AGMO: variants seen among roughly 807,000 people sequenced by gnomAD.
AGMO encodes the protein glyceryl-ether monooxygenase.
AGMO carries 75 observed loss-of-function variants against 60.2 expected under a neutral mutation model. The ratio of observed to expected loss-of-function variants is 1.25; its 90% confidence interval spans 1.03 to 1.51. The LOEUF is 1.51. AGMO is among the 40% of genes most tolerant of loss of function. AGMO has a pLI of 0.00. For missense variants in AGMO, 763 were observed against 525.5 expected (o/e 1.45, Z -4.42); for synonymous variants, 261 against 177.1 (o/e 1.47, Z -3.76).
intron 12 of AGMO, among the ~76,000 whole-genome samples, chr7:15,341,966 T>G (rs1007115838): frequency 6.6e-6 from 1 of 151,386 alleles, no homozygotes; most frequent in African/African-American, 2.4e-5. Flanking sequence ...CCATGGCACG[T>G]AGGGATAATG....
At chr7:15,205,168 G>A (rs115027222) in intron 12 of AGMO, among the ~76,000 whole-genome samples, 1,683 of 152,170 alleles carry the variant, frequency 0.011, 42 homozygotes, top group African/African-American at 0.039. Flanking sequence ...TGTCTCTTCT[G>A]GTTTTAATAC....
intron 3 of AGMO, among the ~76,000 whole-genome samples, chr7:15,466,055 C>A (rs772670446): frequency 1.3e-5 from 2 of 152,002 alleles, no homozygotes; most frequent in Non-Finnish European, 2.9e-5. Context: ...TAAAAGGGAC[C>A]AAAATCTTGG....
the AGMO span, among the ~76,000 whole-genome samples, chr7:15,123,258 T>C: frequency 6.6e-6 from 1 of 152,094 alleles, no homozygotes; most frequent in Non-Finnish European, 1.5e-5. Context: ...TCTATTCTTA[T>C]TTACTGTCCT....
chr7:15,165,561 G>T, the AGMO span, among the ~76,000 whole-genome samples: 2 of 152,036 alleles, frequency 1.3e-5, no homozygotes, highest in African/African-American at 4.8e-5. Flanking sequence ...AGATGATAAA[G>T]TGTATATTAT....
At chr7:15,434,008 G>A (rs1781328537) in intron 3 of AGMO, among the ~76,000 whole-genome samples, 3 of 151,356 alleles carry the variant, frequency 2.0e-5, no homozygotes, top group Admixed American at 6.6e-5. Flanking sequence ...TTTAATGTTC[G>A]GCTGTATGAG....
chr7:15,539,477 T>C (rs887350933), intron 3 of AGMO, among the ~76,000 whole-genome samples: 99 of 42,548 alleles, frequency 2.3e-3, no homozygotes, highest in African/African-American at 5.0e-3. Flanking sequence ...GATCTCTTTC[T>C]TTTTTATGAC....
chr7:15,348,495 T>G (rs909025241), intron 12 of AGMO, among the ~76,000 whole-genome samples: 1 of 152,086 alleles, frequency 6.6e-6, no homozygotes, highest in Admixed American at 6.6e-5. Flanking sequence ...TTTGAAAATC[T>G]TAAGTAAAAT....
At chr7:15,390,608 C>T in intron 8 of AGMO, 63 bp downstream of exon 8, 1 of 1,303,364 alleles carries the variant, frequency 7.7e-7, no homozygotes, top group East Asian at 2.4e-5. Context: ...GCTGATTTTT[C>T]TCTTAACTAT....
At chr7:15,493,362 C>CACACACACACA (rs71004386) in intron 3 of AGMO, among the ~76,000 whole-genome samples, 1 of 102,264 alleles carries the variant, frequency 9.8e-6, no homozygotes, top group African/African-American at 4.0e-5. Context: ...CACACACACA[C>CACACACACACA]TTCTTTTTTT....
At chr7:15,224,865 A>AT (rs200385885) in intron 12 of AGMO, among the ~76,000 whole-genome samples, 1 of 152,140 alleles carries the variant, frequency 6.6e-6, no homozygotes, top group African/African-American at 2.4e-5. Flanking sequence ...TTTAAAAAAA[A>AT]TGCTTCATAT....
chr7:15,152,710 T>C, the AGMO span, among the ~76,000 whole-genome samples: 51 of 152,314 alleles, frequency 3.3e-4, no homozygotes, highest in East Asian at 7.1e-3. Flanking sequence ...TTCCATGATA[T>C]AAATATACAA....
chr7:15,173,115 G>A, the AGMO span, among the ~76,000 whole-genome samples: 1 of 151,888 alleles, frequency 6.6e-6, no homozygotes, highest in Admixed American at 6.6e-5. Flanking sequence ...TACATTTATT[G>A]AAGTAAATCT....
intron 12 of AGMO, among the ~76,000 whole-genome samples, chr7:15,279,080 C>T (rs1783885611): frequency 6.6e-6 from 1 of 152,144 alleles, no homozygotes; most frequent in Non-Finnish European, 1.5e-5. Flanking sequence ...TGTGAGATGC[C>T]ACATGACCTT....
At chr7:15,375,745 G>A (rs547230209) in intron 10 of AGMO, among the ~76,000 whole-genome samples, 56 of 152,114 alleles carry the variant, frequency 3.7e-4, no homozygotes, top group African/African-American at 1.3e-3. Flanking sequence ...AAAGAACTGC[G>A]CATTTAGACT....
intron 12 of AGMO, among the ~76,000 whole-genome samples, chr7:15,252,485 T>A (rs1014265293): frequency 6.6e-6 from 1 of 152,196 alleles, no homozygotes; most frequent in Non-Finnish European, 1.5e-5. Flanking sequence ...GGAAAGTGGC[T>A]ATTTAGAAAA....
rs551086235 is a variant in AGMO, at chr7:15,349,117, A to G, written c.1263+16397T>C. Among the ~76,000 whole-genome samples the G allele has an allele frequency of 4.6e-5, 7 of 152,278 alleles. No individual in the cohort carries two copies. The South Asian group carries it at 1.5e-3, about 32-fold the overall frequency. On this transcript the variant is annotated intron_variant, in intron 12 of 12. Transcript: ENST00000342526. ...CTTTGGAGGCCTTTACTAGAGGCAC[A>G]TGGACAATAATCATCTTGCTAAATG...
intron 12 of AGMO, among the ~76,000 whole-genome samples, chr7:15,229,750 A>AAT (rs1245940342): frequency 6.8e-6 from 1 of 147,464 alleles, no homozygotes; most frequent in Non-Finnish European, 1.5e-5. Context: ...AATATATATA[A>AAT]ATAATTAGTT....
intron 12 of AGMO, among the ~76,000 whole-genome samples, chr7:15,253,868 A>G (rs893525148): frequency 6.6e-6 from 1 of 152,036 alleles, no homozygotes; most frequent in African/African-American, 2.4e-5. Flanking sequence ...TATTCTCCCA[A>G]TTCTCTGGTA....
chr7:15,360,660 G>GGT (rs1217455907), intron 12 of AGMO, among the ~76,000 whole-genome samples: 1 of 151,982 alleles, frequency 6.6e-6, no homozygotes, highest in Non-Finnish European at 1.5e-5. Flanking sequence ...AGGTGGATGA[G>GGT]GTGTAAGGGG....
Sources: allele counts gnomAD v4.1 joint callset (sites outside exome capture counted in the v4.1 genomes callset), GRCh38; gene constraint gnomAD v4.1.1; transcripts MANE v1.5; gene names NCBI Gene and HGNC (gene_info 2026-07-23, HGNC 2026-07-21).